Variants in HMGCLL1 observed in about 807,000 individuals in gnomAD.
HMGCLL1 encodes the protein 3-hydroxymethyl-3-methylglutaryl-CoA lyase, cytoplasmic.
Under a neutral mutation model 39.1 loss-of-function variants are expected in HMGCLL1, and 36 were observed. The ratio of observed to expected loss-of-function variants is 0.92; its 90% CI spans 0.71 to 1.22. The LOEUF (loss-of-function observed/expected upper bound fraction) is 1.22, where lower values mean the gene tolerates loss of function less well. Ranked by LOEUF, HMGCLL1 falls within the 50% of genes most tolerant of loss-of-function variation. The probability of loss-of-function intolerance (pLI) is 0.00; values close to 1 mark genes in which losing one functional copy is unlikely to be tolerated. For missense variants in HMGCLL1, 451 were observed against 416.5 expected (o/e 1.08, Z -0.72); for synonymous variants, 149 against 144.0 (o/e 1.03, Z -0.25).
the HMGCLL1 span, among the ~76,000 whole-genome samples, chr6:55,624,847 G>T: frequency 6.6e-6 from 1 of 152,126 alleles, no homozygotes; most frequent in South Asian, 2.1e-4. Context: ...GGCTTATTTG[G>T]ATCTTGAAGG....
At chr6:55,443,864 G>A (rs1466014901) in intron 7 of HMGCLL1, among the ~76,000 whole-genome samples, 1 of 151,782 alleles carries the variant, frequency 6.6e-6, no homozygotes, top group African/African-American at 2.4e-5. Context: ...ACAAACACAA[G>A]GTTGCTTGAA....
chr6:55,470,855 A>G (rs778079055), intron 7 of HMGCLL1, among the ~76,000 whole-genome samples: 1 of 151,646 alleles, frequency 6.6e-6, no homozygotes, highest in Non-Finnish European at 1.5e-5. Context: ...ACTGCCAAAC[A>G]CTTTTAAAAC....
the HMGCLL1 span, among the ~76,000 whole-genome samples, chr6:55,649,526 T>C: frequency 6.6e-6 from 1 of 151,930 alleles, no homozygotes; most frequent in East Asian, 1.9e-4. Flanking sequence ...TTCTTGGCCG[T>C]CAGGAATTTG....
the HMGCLL1 span, among the ~76,000 whole-genome samples, chr6:55,627,931 C>CTATATATATATAGTATATATACTA: frequency 9.4e-4 from 1 of 1,062 alleles, no homozygotes; most frequent in Non-Finnish European, 1.5e-3. Flanking sequence ...AATATATATA[C>CTATATATATATAGTATATATACTA]TATATATATA....
chr6:55,453,870 A>G (rs558785246), intron 7 of HMGCLL1, among the ~76,000 whole-genome samples: 4 of 152,206 alleles, frequency 2.6e-5, no homozygotes, highest in Non-Finnish European at 5.9e-5. Flanking sequence ...TTAACAAAGC[A>G]CTGAGATCTC....
the HMGCLL1 span, among the ~76,000 whole-genome samples, chr6:55,608,374 T>G: frequency 6.6e-6 from 1 of 152,152 alleles, no homozygotes; most frequent in African/African-American, 2.4e-5. Context: ...GAGAGATTTG[T>G]GGATGTTTAG....
intron 1 of HMGCLL1, among the ~76,000 whole-genome samples, chr6:55,548,646 C>T (rs936448442): frequency 6.6e-6 from 1 of 151,708 alleles, no homozygotes; most frequent in Non-Finnish European, 1.5e-5. Flanking sequence ...GTAGCTTCAG[C>T]AATAAATGCA....
intron 7 of HMGCLL1, among the ~76,000 whole-genome samples, chr6:55,483,685 C>G (rs377093334): frequency 8.5e-5 from 13 of 152,276 alleles, no homozygotes; most frequent in African/African-American, 3.1e-4. Flanking sequence ...GATGGAAAGA[C>G]ACAAGATGAG....
chr6:55,621,568 A>G, the HMGCLL1 span, among the ~76,000 whole-genome samples: 1 of 151,750 alleles, frequency 6.6e-6, no homozygotes, highest in Non-Finnish European at 1.5e-5. Flanking sequence ...ATGAGACTCT[A>G]ATGCCTGATG....
At chr6:55,502,057 A>C (rs1766919196) in intron 5 of HMGCLL1, among the ~76,000 whole-genome samples, 1 of 151,840 alleles carries the variant, frequency 6.6e-6, no homozygotes, top group Non-Finnish European at 1.5e-5. Flanking sequence ...TTTTTGACTT[A>C]AGTGAATACA....
At chr6:55,678,242 G>T in the HMGCLL1 span, among the ~76,000 whole-genome samples, 1 of 152,104 alleles carries the variant, frequency 6.6e-6, no homozygotes, top group Non-Finnish European at 1.5e-5. Flanking sequence ...GATCATTCAG[G>T]TCTATCTTTG....
intron 7 of HMGCLL1, among the ~76,000 whole-genome samples, chr6:55,445,830 A>G (rs1763805602): frequency 6.6e-6 from 1 of 152,082 alleles, no homozygotes; most frequent in African/African-American, 2.4e-5. Flanking sequence ...GTGGCAATAT[A>G]GCACCAAAAT....
chr6:55,461,847 T>C (rs961374876), intron 7 of HMGCLL1, among the ~76,000 whole-genome samples: 1 of 152,188 alleles, frequency 6.6e-6, no homozygotes, highest in African/African-American at 2.4e-5. Context: ...TGTGAAGAAC[T>C]ACTCAATAGC....
intron 7 of HMGCLL1, among the ~76,000 whole-genome samples, chr6:55,476,661 G>A (rs991141930): frequency 1.3e-5 from 2 of 151,518 alleles, no homozygotes; most frequent in African/African-American, 4.8e-5. Context: ...TATTAATGTG[G>A]TAATTCTATG....
chr6:55,456,286 T>C (rs1023367640), intron 7 of HMGCLL1, among the ~76,000 whole-genome samples: 3 of 152,182 alleles, frequency 2.0e-5, no homozygotes, highest in Non-Finnish European at 4.4e-5. Context: ...CTGTAACATA[T>C]TTTATGCTTC....
the HMGCLL1 span, among the ~76,000 whole-genome samples, chr6:55,627,460 T>G: frequency 6.6e-6 from 1 of 151,992 alleles, no homozygotes; most frequent in Non-Finnish European, 1.5e-5. Flanking sequence ...ATGTATGATC[T>G]CAGGAGATGT....
At chr6:55,521,523 A>T (rs566406803) in intron 3 of HMGCLL1, among the ~76,000 whole-genome samples, 2 of 152,168 alleles carry the variant, frequency 1.3e-5, no homozygotes, top group Admixed American at 1.3e-4. Flanking sequence ...CATTTTGGTA[A>T]TTCTCACAAT....
chr6:55,513,629 C>G (rs1197306316), intron 5 of HMGCLL1: 1 of 169,208 alleles, frequency 5.9e-6, no homozygotes, highest in East Asian at 1.7e-4. Flanking sequence ...TATTGAAGTT[C>G]TACATAAAAT....
chr6:55,455,626 G>T (rs1396334113), intron 7 of HMGCLL1, among the ~76,000 whole-genome samples: 3 of 152,136 alleles, frequency 2.0e-5, no homozygotes, highest in Non-Finnish European at 4.4e-5. Context: ...TCATTATGTG[G>T]TCAAGAAAGT....
Sources: allele counts gnomAD v4.1 joint callset (sites outside exome capture counted in the v4.1 genomes callset), GRCh38; gene constraint gnomAD v4.1.1; transcripts MANE v1.5; gene names NCBI Gene and HGNC (gene_info 2026-07-23, HGNC 2026-07-21).